DOCK3: variants seen among roughly 807,000 people sequenced by gnomAD.
The protein encoded by DOCK3 is dedicator of cytokinesis protein 3.
Under a neutral mutation model 265.6 loss-of-function variants are expected in DOCK3, and 60 were observed. The ratio of observed to expected loss-of-function variants is 0.23; its 90% CI spans 0.18 to 0.28. DOCK3 has a LOEUF of 0.28. DOCK3 is among the 10% of genes least tolerant of loss of function. DOCK3 has a pLI of 1.00. For missense variants in DOCK3, 1,981 were observed against 2,594.3 expected, an observed-to-expected ratio of 0.76 and a Z score of 5.14; for synonymous variants, 881 against 938.0, an observed-to-expected ratio of 0.94 and a Z score of 1.11.
At chr3:51,344,438 G>T (rs1305805249) in intron 38 of DOCK3, among the ~76,000 whole-genome samples, 1 of 152,152 alleles carries the variant, frequency 6.6e-6, no homozygotes, top group Non-Finnish European at 1.5e-5. Context: ...TGGCCAACAT[G>T]GTGAAACCTC....
At chr3:50,899,204 T>C in intron 4 of DOCK3, among the ~76,000 whole-genome samples, 1 of 152,204 alleles carries the variant, frequency 6.6e-6, no homozygotes, top group African/African-American at 2.4e-5. Context: ...GCTCTTCTTG[T>C]TGTATTGATC....
chr3:51,266,821 A>C (rs1445423897), intron 23 of DOCK3, among the ~76,000 whole-genome samples: 1 of 152,244 alleles, frequency 6.6e-6, no homozygotes, highest in Non-Finnish European at 1.5e-5. Context: ...GCCAAAATTG[A>C]CAAATGGAAT....
At chr3:51,029,579 C>T (rs1476020354) in intron 5 of DOCK3, among the ~76,000 whole-genome samples, 1 of 152,148 alleles carries the variant, frequency 6.6e-6, no homozygotes, top group East Asian at 1.9e-4. Flanking sequence ...GGTGGAACCC[C>T]CTGAAGTGGT....
intron 9 of DOCK3, among the ~76,000 whole-genome samples, chr3:51,113,256 T>C (rs2083596508): frequency 6.6e-6 from 1 of 152,138 alleles, no homozygotes; most frequent in Non-Finnish European, 1.5e-5. Flanking sequence ...AAATAGGGCA[T>C]GGCACTTTTT....
intron 3 of DOCK3, among the ~76,000 whole-genome samples, chr3:50,869,238 T>G (rs1488001161): frequency 6.6e-6 from 1 of 151,622 alleles, no homozygotes; most frequent in Non-Finnish European, 1.5e-5. Context: ...CCTCCCAAAG[T>G]ATTGGGATTA....
At chr3:51,119,354 C>T (rs2083908337) in intron 9 of DOCK3, among the ~76,000 whole-genome samples, 1 of 152,186 alleles carries the variant, frequency 6.6e-6, no homozygotes, top group African/African-American at 2.4e-5. Flanking sequence ...TGATGGGCTT[C>T]TCTTTGTGGA....
At chr3:51,215,997 T>TA (rs950965845) in intron 14 of DOCK3, among the ~76,000 whole-genome samples, 1 of 151,964 alleles carries the variant, frequency 6.6e-6, no homozygotes, top group African/African-American at 2.4e-5. Flanking sequence ...AAAAAAAAGT[T>TA]ACCAAAATTG....
intron 5 of DOCK3, among the ~76,000 whole-genome samples, chr3:51,016,925 A>G (rs1465670869): frequency 7.7e-5 from 8 of 104,222 alleles, no homozygotes; most frequent in African/African-American, 1.7e-4. Context: ...TAAATATATT[A>G]ATATATACAA....
At chr3:51,186,853 C>T (rs1374245382) in intron 12 of DOCK3, among the ~76,000 whole-genome samples, 6 of 152,218 alleles carry the variant, frequency 3.9e-5, no homozygotes, top group African/African-American at 1.4e-4. Context: ...TGGGAACCTC[C>T]ACCTGGATTT....
chr3:50,698,311 GT>G (rs1332935513), intron 1 of DOCK3, among the ~76,000 whole-genome samples: 1 of 151,942 alleles, frequency 6.6e-6, no homozygotes, highest in Non-Finnish European at 1.5e-5. Context: ...CACTGAGTAT[GT>G]TTTTAAGGCT....
Position 51,006,988 on chromosome 3 carries a change from G to T in DOCK3, c.316-57460G>T, listed in dbSNP as rs533324808. ...TTATGGCTGTGTAGTATTCCATGGC[G>T]TATGTGTGCCACATTTTCTTAATCC... On this transcript the variant is annotated intron_variant, in intron 5 of 52. Transcript: ENST00000266037. Among the ~76,000 whole-genome samples the T allele has an allele frequency of 9.9e-5, 15 of 152,264 alleles. 1 individual carries two copies. The South Asian group carries it at 3.1e-3, about 32-fold the overall frequency.
At chr3:51,002,600 A>G (rs2078528050) in intron 5 of DOCK3, among the ~76,000 whole-genome samples, 1 of 152,166 alleles carries the variant, frequency 6.6e-6, no homozygotes, top group Non-Finnish European at 1.5e-5. Context: ...TTTTTATGTA[A>G]GGTTCAAGGT....
At chr3:50,895,908 G>T (rs1232715182) in intron 4 of DOCK3, among the ~76,000 whole-genome samples, 1 of 152,104 alleles carries the variant, frequency 6.6e-6, no homozygotes, top group South Asian at 2.1e-4. Flanking sequence ...TCTTTATCAA[G>T]TCTATCATTG....
At chr3:51,007,854 C>A (rs1052244602) in intron 5 of DOCK3, among the ~76,000 whole-genome samples, 1 of 152,138 alleles carries the variant, frequency 6.6e-6, no homozygotes, top group Non-Finnish European at 1.5e-5. Context: ...GCCAGTTTTC[C>A]CAGCACCATT....
intron 3 of DOCK3, among the ~76,000 whole-genome samples, chr3:50,846,647 G>C (rs762748904): frequency 6.6e-6 from 1 of 152,056 alleles, no homozygotes; most frequent in Non-Finnish European, 1.5e-5. Flanking sequence ...GACTTGCTTT[G>C]GTTGATAGGT....
chr3:50,702,466 C>T (rs931630917), intron 1 of DOCK3, among the ~76,000 whole-genome samples: 6 of 152,042 alleles, frequency 3.9e-5, no homozygotes, highest in South Asian at 2.1e-4. Context: ...TGAGTTCAAG[C>T]GATTCTCCTG....
intron 1 of DOCK3, among the ~76,000 whole-genome samples, chr3:50,736,132 T>C (rs950202998): frequency 1.3e-5 from 2 of 152,090 alleles, no homozygotes; most frequent in African/African-American, 4.8e-5. Flanking sequence ...TTCCCACCTG[T>C]GAGTGAGAAC....
At chr3:51,250,550 C>A (rs1017146175) in intron 22 of DOCK3, among the ~76,000 whole-genome samples, 2 of 152,144 alleles carry the variant, frequency 1.3e-5, no homozygotes, top group East Asian at 3.9e-4. Context: ...ACCTGGGAGG[C>A]GGAGGTTGCA....
At chr3:51,221,973 G>A (rs2090118420) in intron 14 of DOCK3, among the ~76,000 whole-genome samples, 2 of 152,080 alleles carry the variant, frequency 1.3e-5, no homozygotes, top group African/African-American at 4.8e-5. Flanking sequence ...CCATATTCTG[G>A]TTTCCTAGTG....
Sources: gnomAD v4.1 joint callset for allele counts (sites outside exome capture counted in the v4.1 genomes callset) on GRCh38, gnomAD v4.1.1 for gene constraint, MANE v1.5 for transcripts, NCBI Gene and HGNC (gene_info 2026-07-23, HGNC 2026-07-21) for gene names.